The following ABLIM2 variants were observed in gnomAD, a reference collection of about 807,000 sequenced individuals.
ABLIM2 encodes actin-binding LIM protein 2.
In ABLIM2, 53 loss-of-function variants were observed where a neutral mutation model predicts 97.7. That is an observed-to-expected ratio of 0.54 (90% CI 0.44 to 0.68). ABLIM2 has a LOEUF of 0.68. Ranked by LOEUF, ABLIM2 falls within the 30% of genes least tolerant of loss-of-function variation. ABLIM2 has a pLI of 0.00. For missense variants in ABLIM2, 835 were observed against 867.2 expected, an observed-to-expected ratio of 0.96 and a Z score of 0.47; for synonymous variants, 361 against 345.8, an observed-to-expected ratio of 1.04 and a Z score of -0.49.
Position 8,130,967 on chromosome 4 carries a change from G to T in ABLIM2, c.11-24330C>A, listed in dbSNP as rs913416791. ...CTCTAGGGGAGGCTGCCGTTACCTC[G>T]CCCTGCTCTTGGGGCAGCCTGCATT... On this transcript the variant is annotated intron_variant, in intron 1 of 20. Coordinates refer to ENST00000447017, the MANE Select transcript of ABLIM2 (RefSeq NM_001130083.2). The surrounding 1 kb of genome is among the most constrained non-coding windows in gnomAD (Gnocchi z 4.2). Among the ~76,000 whole-genome samples the T allele has an allele frequency of 6.6e-6, 1 of 152,102 alleles. No individual in the cohort carries two copies. The highest frequency in any genetic ancestry group is 1.5e-5 in the Non-Finnish European group (1 of 68,012).
At chr4:8,098,615 C>A (rs1832878965) in intron 2 of ABLIM2, among the ~76,000 whole-genome samples, 1 of 152,186 alleles carries the variant, frequency 6.6e-6, no homozygotes. Flanking sequence ...GAGACGTCAA[C>A]CGAGCAGCTT....
chr4:7,992,742 G>A lies in ABLIM2; in HGVS notation c.1680+124C>T. On this transcript the variant is annotated intron_variant, in intron 17 of 20. Coordinates refer to ENST00000447017, the MANE Select transcript of ABLIM2 (RefSeq NM_001130083.2). This position sits in a 1 kb window ranked among gnomAD's most constrained non-coding sequence, Gnocchi z 5.7. The stretch of plus-strand genomic sequence containing the variant: ...GCCCCTGGGAAGGGCATCAGGCAGA[G>A]GCAGGTGGGCCGCGGGGTCCCCGGG... 1.9e-6 allele frequency: 2 copies of A among 1,035,808 alleles called. No homozygotes were observed. Among genetic ancestry groups the A allele is most frequent in the South Asian group, 2.8e-5 (2 of 71,236 alleles). The allele number at this position is 1,035,808 out of a possible 1,614,324, so 64.2% of individuals were successfully genotyped here.
chr4:8,030,636 C>T (rs917263661), intron 10 of ABLIM2, among the ~76,000 whole-genome samples: 3 of 152,326 alleles, frequency 2.0e-5, no homozygotes, highest in South Asian at 2.1e-4. Context: ...TTCCTACCTG[C>T]GCTTCACCCT....
Position 8,146,718 on chromosome 4 carries a change from C to T in ABLIM2, c.10+11962G>A, listed in dbSNP as rs138178092. Among the ~76,000 whole-genome samples, 15 of 152,148 alleles carry T rather than the reference C, an allele frequency of 9.9e-5. 1 individual carries two copies. In the East Asian group the frequency reaches 2.1e-3, roughly 22 times the overall value. On this transcript the variant is annotated intron_variant, in intron 1 of 20. Coordinates refer to ENST00000447017, the MANE Select transcript of ABLIM2 (RefSeq NM_001130083.2). The stretch of plus-strand genomic sequence containing the variant: ...CTAATTTTTTTATTTTTTGTAGAGG[C>T]GGGATCTCACTATGTTGCCCAGGCT...
intron 6 of ABLIM2, among the ~76,000 whole-genome samples, chr4:8,073,450 C>T (rs1222025045): frequency 6.6e-6 from 1 of 151,958 alleles, no homozygotes; most frequent in Non-Finnish European, 1.5e-5. Flanking sequence ...GGCAGTGCAT[C>T]AGGCCAGGCT....
Position 8,067,233 on chromosome 4 carries a change from C to T in ABLIM2, c.676-6179G>A, listed in dbSNP as rs1408382217. On this transcript the variant is annotated intron_variant, in intron 6 of 20. Transcript: ENST00000447017. The surrounding 1 kb of genome is among the most constrained non-coding windows in gnomAD (Gnocchi z 5.4). ...GGCTGAGCCCCTGCAGGTCCGGGGC[C>T]TCAGAGCACGGAATTAACTGCATCC... 1.3e-5 allele frequency: 2 copies of T among 152,266 alleles called. No homozygotes were observed. Among genetic ancestry groups the T allele is most frequent in the Non-Finnish European group, 2.9e-5 (2 of 68,100 alleles). The allele number at this position is 152,266 out of a possible 1,614,324, so 9.4% of individuals were successfully genotyped here.
At chr4:8,066,365 GGAAGGAAGGAAGGAAGGAA>G (rs1561110860) in intron 6 of ABLIM2, among the ~76,000 whole-genome samples, 672 of 52,102 alleles carry the variant, frequency 0.013, 54 homozygotes, top group Admixed American at 0.063. Context: ...AGGGAGGGAA[GGAAGGAAGGAAGGAAGGAA>G]GGAAGGAAGG....
At chr4:7,972,155 C>T (rs1728631723) in intron 20 of ABLIM2, among the ~76,000 whole-genome samples, 2 of 152,190 alleles carry the variant, frequency 1.3e-5, no homozygotes, top group South Asian at 4.1e-4. Flanking sequence ...CCCTCCATAC[C>T]CCGGGACCTC....
chr4:7,995,680 C>T (rs1426703229), intron 16 of ABLIM2, among the ~76,000 whole-genome samples: 1 of 152,226 alleles, frequency 6.6e-6, no homozygotes, highest in Non-Finnish European at 1.5e-5. Context: ...GTGTTTTAAA[C>T]ATCAAGATCA....
In ABLIM2 at chr4:7,966,448, C is replaced by G. The variant is rs1049776182; in HGVS notation, c.*542G>C. On this transcript the variant is annotated 3_prime_UTR_variant, in exon 21 of 21. Coordinates refer to ENST00000447017, the MANE Select transcript of ABLIM2 (RefSeq NM_001130083.2). ...TGTTGACATTTGTCCCTAAAGAGAC[C>G]CATCACAGACGCCTGCAAAAATCAC... The G allele has an allele frequency of 1.8e-4, 28 of 153,698 alleles. 1 individual carries two copies. Among genetic ancestry groups the G allele is most frequent in the African/African-American group, 6.5e-4 (27 of 41,460 alleles). 9.5% of individuals were successfully genotyped at this position (153,698 alleles called of 1,614,324 possible). A position where few individuals can be genotyped will look rare whatever the true frequency, so the allele number is the denominator to read the frequency against.
chr4:7,979,570 T>C (rs1333221757), intron 20 of ABLIM2, among the ~76,000 whole-genome samples: 2 of 152,272 alleles, frequency 1.3e-5, no homozygotes, highest in Non-Finnish European at 2.9e-5. Flanking sequence ...TTTGTTTCTC[T>C]GATTACAGAT....
At position 8,085,258 on chromosome 4, in the gene ABLIM2, C is replaced by T. The variant is rs894959269; in HGVS notation, c.454+2911G>A. Among the ~76,000 whole-genome samples the T allele has an allele frequency of 6.6e-5, 10 of 152,130 alleles. No individual in the cohort carries two copies. The highest frequency in any genetic ancestry group is 2.4e-4 in the African/African-American group (10 of 41,436). On this transcript the variant is annotated intron_variant, in intron 4 of 20. Transcript: ENST00000447017. This position sits in a 1 kb window ranked among gnomAD's most constrained non-coding sequence, Gnocchi z 6.1. ...GCCATGTGAGGCCCCACCCTGCTGC[C>T]CCCCGGCCCAGCAAGCTGGCCAGGC... is the stretch of plus-strand genomic sequence containing the variant.
intron 6 of ABLIM2, among the ~76,000 whole-genome samples, chr4:8,074,166 A>G (rs1577206403): frequency 6.6e-6 from 1 of 151,136 alleles, no homozygotes; most frequent in East Asian, 1.9e-4. Flanking sequence ...AATTAAAGCT[A>G]GACCCTGCAG....
In ABLIM2 at chr4:7,991,532, G is replaced by A. The variant is rs562674071; in HGVS notation, c.1680+1334C>T. ...TAACATTGAGCTCAGGGATTTGCAC[G>A]TCTTTTGGTGTCGTAGGAGTCCTGT... On this transcript the variant is annotated intron_variant, in intron 17 of 20. Transcript: ENST00000447017. Among the ~76,000 whole-genome samples, 12 of 126,584 alleles carry A rather than the reference G, an allele frequency of 9.5e-5. No homozygotes were observed. In the South Asian group the frequency reaches 1.4e-3, roughly 15 times the overall value. 83.0% of individuals were successfully genotyped at this position (126,584 alleles called of 152,430 possible).
At chr4:7,976,834 C>T (rs1455099914) in intron 20 of ABLIM2, among the ~76,000 whole-genome samples, 14 of 152,096 alleles carry the variant, frequency 9.2e-5, no homozygotes, top group African/African-American at 3.4e-4. Flanking sequence ...CACATACACA[C>T]ATGCACACAC....
chr4:7,977,265 A>G (rs114705245), intron 20 of ABLIM2, among the ~76,000 whole-genome samples: 1 of 152,150 alleles, frequency 6.6e-6, no homozygotes, highest in Non-Finnish European at 1.5e-5. Flanking sequence ...AGGCCTCCCT[A>G]GTCATGCAGA....
intron 1 of ABLIM2, among the ~76,000 whole-genome samples, chr4:8,126,134 C>T (rs904816975): frequency 1.3e-5 from 2 of 152,202 alleles, no homozygotes; most frequent in African/African-American, 4.8e-5. Flanking sequence ...AGTAACATTC[C>T]ACGGAGTTTC....
intron 6 of ABLIM2, among the ~76,000 whole-genome samples, chr4:8,076,036 A>G (rs997202735): frequency 2.0e-5 from 3 of 152,202 alleles, no homozygotes; most frequent in Non-Finnish European, 4.4e-5. Flanking sequence ...CCTCACATCA[A>G]TGAGAATGGA....
chr4:8,012,057 C>T (rs1765249926), intron 14 of ABLIM2, among the ~76,000 whole-genome samples: 2 of 152,126 alleles, frequency 1.3e-5, no homozygotes, highest in South Asian at 2.1e-4. Flanking sequence ...TCCAGCCAGC[C>T]AGCCATCCAC....
Sources: gnomAD v4.1 joint callset for allele counts (sites outside exome capture counted in the v4.1 genomes callset) on GRCh38, gnomAD v4.1.1 for gene constraint, Gnocchi (gnomAD v3.1) non-coding constraint, MANE v1.5 for transcripts, NCBI Gene and HGNC (gene_info 2026-07-23, HGNC 2026-07-21) for gene names.